NAV2: variants seen among roughly 807,000 people sequenced by gnomAD.
NAV2 encodes neuron navigator 2, also known as helicase, APC down-regulated 1.
A neutral mutation model predicts 223.2 loss-of-function variants in NAV2; 54 were observed. The observed-to-expected ratio is 0.24, with a 90% confidence interval of 0.19 to 0.30. The LOEUF (loss-of-function observed/expected upper bound fraction) is 0.30. Ranked by LOEUF, NAV2 falls within the 10% of genes least tolerant of loss-of-function variation. The pLI is 1.00. For synonymous variants in NAV2, 1,279 were observed against 1,239.3 expected (o/e 1.03, Z -0.67); for missense variants, 2,806 against 3,147.5 (o/e 0.89, Z 2.60).
chr11:19,587,255 A>T (rs965622217), intron 1 of NAV2, among the ~76,000 whole-genome samples: 3 of 152,186 alleles, frequency 2.0e-5, no homozygotes, highest in Non-Finnish European at 4.4e-5. Flanking sequence ...GGAGTGACCC[A>T]GTTTTCCAGG....
chr11:20,059,041 T>G (rs925823057), intron 19 of NAV2, among the ~76,000 whole-genome samples: 1 of 152,158 alleles, frequency 6.6e-6, no homozygotes, highest in African/African-American at 2.4e-5. Context: ...CTCTTTCTTT[T>G]CACTCAATCC....
At chr11:19,422,716 A>T (rs1650454399) in intron 1 of NAV2, among the ~76,000 whole-genome samples, 1 of 152,198 alleles carries the variant, frequency 6.6e-6, no homozygotes, top group South Asian at 2.1e-4. Flanking sequence ...CCTTGTAGGA[A>T]TTACCCAGAT....
At chr11:20,092,979 C>CCCCCCCCCCCCCCCT in intron 28 of NAV2, 120 bp from the exon 29 acceptor site, 1 of 204,808 alleles carries the variant, frequency 4.9e-6, no homozygotes, top group Non-Finnish European at 1.1e-5. Context: ...CCCTACCCCC[C>CCCCCCCCCCCCCCCT]CACCCCCTGC....
intron 1 of NAV2, among the ~76,000 whole-genome samples, chr11:19,427,486 GAA>G (rs969485980): frequency 6.6e-6 from 1 of 152,178 alleles, no homozygotes; most frequent in Non-Finnish European, 1.5e-5. Flanking sequence ...ATAGAACCCA[GAA>G]AAAATTCTCA....
In NAV2 at chr11:20,078,039, A is replaced by G. The variant is rs775815127; in HGVS notation, c.5114A>G (p.Lys1705Arg). The G allele has an allele frequency of 3.7e-6, 6 of 1,613,314 alleles. No individual in the cohort carries two copies. The highest frequency in any genetic ancestry group is 4.2e-6 in the Non-Finnish European group (5 of 1,179,860). The change falls in exon 24 of 38, where the codon AAA becomes AGA. Residue 1705 changes from lysine (K) to arginine (R), a missense_variant. Physicochemically the swap from Lys to Arg is conservative, Grantham distance 26. Around this residue, in one of 4 missense-constraint regions of NAV2, gnomAD observed 824 missense variants for 1,069.4 expected, o/e 0.77. Coordinates refer to ENST00000349880, the MANE Select transcript of NAV2 (RefSeq NM_145117.5). The part of the protein sequence containing the change: ...ELRKTIELLK[K>R]QNAAAQAAIN... ...AGAAAAACCATTGAGCTGCTAAAGA[A>G]ACAGAACGCAGCTGCCCAGGCTGCC...
upstream of NAV2, chr11:19,712,280 T>C (rs2049922466): frequency 6.6e-6 from 1 of 152,250 alleles, no homozygotes; most frequent in African/African-American, 2.4e-5. Flanking sequence ...TATTTGCCTA[T>C]AAATACTTCA....
At chr11:19,745,756 C>T (rs1368163613) in intron 1 of NAV2, among the ~76,000 whole-genome samples, 7 of 152,028 alleles carry the variant, frequency 4.6e-5, no homozygotes, top group Non-Finnish European at 8.8e-5. Flanking sequence ...AGTTCACAAT[C>T]GGGTTCACGC....
intron 2 of NAV2, among the ~76,000 whole-genome samples, chr11:19,834,938 A>T (rs1472647905): frequency 3.3e-5 from 5 of 152,258 alleles, no homozygotes; most frequent in Non-Finnish European, 1.5e-5. Context: ...CATGTTCCAG[A>T]TAGCACTTGG....
intron 11 of NAV2, chr11:20,027,168 G>A: frequency 1.4e-6 from 1 of 693,884 alleles, no homozygotes; most frequent in Non-Finnish European, 1.8e-6. Context: ...AAAACCTCCT[G>A]GGGAGGAAAT....
chr11:19,402,349 C>G (rs569428996), intron 1 of NAV2, among the ~76,000 whole-genome samples: 1 of 152,154 alleles, frequency 6.6e-6, no homozygotes, highest in Non-Finnish European at 1.5e-5. Flanking sequence ...TACATAGAGT[C>G]GTGGTGATTA....
At chr11:19,709,300 T>C (rs1362191209), upstream of NAV2, among the ~76,000 whole-genome samples, 3 of 151,908 alleles carry the variant, frequency 2.0e-5, no homozygotes, top group Non-Finnish European at 2.9e-5. Flanking sequence ...CCCAGCACTT[T>C]GGGAGGCCAA....
At position 19,573,002 on chromosome 11, in the gene NAV2, A is replaced by G. The variant is rs1054020322; in HGVS notation, c.75+221975A>G. ...AACTGGCCACAAATTGCATTTTTAC[A>G]CAATCTAATTTTCTCATTAACCTCT... On this transcript the variant is annotated intron_variant, in intron 1 of 37. Transcript: ENST00000360655. 4.6e-5 allele frequency among the ~76,000 whole-genome samples: 7 copies of G among 152,324 alleles called. No individual in the cohort carries two copies. The South Asian group carries it at 1.0e-3, about 23-fold the overall frequency.
chr11:19,942,766 T>G (rs7951577), intron 8 of NAV2, among the ~76,000 whole-genome samples: 30,566 of 152,154 alleles, frequency 0.2, 3,287 homozygotes, highest in Middle Eastern at 0.38. Context: ...AGAGGATCGC[T>G]TGAGGCCAGG....
intron 11 of NAV2, among the ~76,000 whole-genome samples, chr11:20,005,268 T>G (rs1379428683): frequency 9.6e-6 from 1 of 104,692 alleles, no homozygotes; most frequent in African/African-American, 3.0e-5. Flanking sequence ...TTTTTTTTTT[T>G]GAGATGGAGT....
intron 1 of NAV2, among the ~76,000 whole-genome samples, chr11:19,357,253 G>A (rs1414902016): frequency 6.6e-6 from 1 of 152,172 alleles, no homozygotes; most frequent in African/African-American, 2.4e-5. Context: ...GGTCTGTACT[G>A]TGTCATTATT....
intron 19 of NAV2, among the ~76,000 whole-genome samples, chr11:20,062,105 C>T (rs560337545): frequency 5.9e-5 from 9 of 152,204 alleles, no homozygotes; most frequent in East Asian, 3.9e-4. Context: ...GGGAAAAATG[C>T]GGTAATAGAA....
At chr11:19,592,651 T>A (rs1488707499) in intron 1 of NAV2, among the ~76,000 whole-genome samples, 1 of 152,138 alleles carries the variant, frequency 6.6e-6, no homozygotes, top group African/African-American at 2.4e-5. Context: ...TATGTCTGAG[T>A]TTCCCTATTC....
intron 1 of NAV2, among the ~76,000 whole-genome samples, chr11:19,639,392 C>T (rs1025479073): frequency 2.0e-5 from 3 of 152,186 alleles, no homozygotes; most frequent in Admixed American, 1.3e-4. Context: ...CCCCTGGAGC[C>T]CCCTCCACCA....
chr11:19,704,138 G>C lies in NAV2; in HGVS notation c.76-128346G>C, dbSNP rs182984585. On this transcript the variant is annotated intron_variant, in intron 1 of 37. Coordinates refer to the NAV2 transcript ENST00000360655. ...TCTTTGCCTCCAGATGAACATAGCA[G>C]GAAGCCCTGTCTCAGAGCACGAACA... 8.8e-3 allele frequency among the ~76,000 whole-genome samples: 1,345 copies of C among 152,182 alleles called. 6 individuals are homozygous for C. The highest frequency in any genetic ancestry group is 0.015 in the Non-Finnish European group (996 of 68,008).
Sources: gnomAD v4.1 joint callset for allele counts (sites outside exome capture counted in the v4.1 genomes callset) on GRCh38, gnomAD v4.1.1 for gene constraint, gnomAD v4.1.1 regional missense constraint, MANE v1.5 for transcripts, NCBI Gene and HGNC (gene_info 2026-07-23, HGNC 2026-07-21) for gene names.